The following TACR1 variants were observed in gnomAD, a reference collection of about 807,000 sequenced individuals.
The protein encoded by TACR1 is substance-P receptor.
Under a neutral mutation model 35.8 loss-of-function variants are expected in TACR1, and 25 were observed. The observed-to-expected ratio is 0.70, with a 90% confidence interval of 0.51 to 0.98. The LOEUF (loss-of-function observed/expected upper bound fraction) is 0.98, where lower values mean the gene tolerates loss of function less well. Ranked by LOEUF, TACR1 falls within the 50% of genes least tolerant of loss-of-function variation. The pLI, the probability that TACR1 is intolerant of heterozygous loss-of-function variation, is 0.00. For missense variants in TACR1, 478 were observed against 522.9 expected, an observed-to-expected ratio of 0.91 and a Z score of 0.84; for synonymous variants, 195 against 206.7, an observed-to-expected ratio of 0.94 and a Z score of 0.48.
intron 2 of TACR1, among the ~76,000 whole-genome samples, chr2:75,117,998 A>AT (rs1347497180): frequency 1.3e-5 from 2 of 152,184 alleles, no homozygotes; most frequent in Non-Finnish European, 2.9e-5. Context: ...CTTGACCATT[A>AT]TGACTCAGCT....
At chr2:75,108,275 T>G (rs935403722) in intron 2 of TACR1, among the ~76,000 whole-genome samples, 10 of 152,226 alleles carry the variant, frequency 6.6e-5, no homozygotes, top group African/African-American at 2.4e-4. Flanking sequence ...CTATGTAATA[T>G]AACTAGTCAG....
intron 2 of TACR1, among the ~76,000 whole-genome samples, chr2:75,067,753 G>T (rs1026310795): frequency 6.6e-6 from 1 of 152,146 alleles, no homozygotes; most frequent in Non-Finnish European, 1.5e-5. Context: ...GAGGCCCTAA[G>T]GTCCAAATGT....
chr2:75,183,991 AAC>A (rs529908216), intron 1 of TACR1, among the ~76,000 whole-genome samples: 285 of 152,328 alleles, frequency 1.9e-3, no homozygotes, highest in African/African-American at 6.6e-3. Context: ...AATTTTAGAA[AAC>A]AGTTATTTCA....
intron 1 of TACR1, among the ~76,000 whole-genome samples, chr2:75,152,792 A>C (rs958458075): frequency 6.6e-6 from 1 of 152,234 alleles, no homozygotes; most frequent in African/African-American, 2.4e-5. Context: ...TTCACTGCTA[A>C]GGGGTTGTTC....
rs560635475 is a variant in TACR1 at position 75,172,054 on chromosome 2, G to A, written c.389+26492C>T. On this transcript the variant is annotated intron_variant, in intron 1 of 4. Coordinates refer to ENST00000305249, the MANE Select transcript of TACR1 (RefSeq NM_001058.4). The stretch of plus-strand genomic sequence containing the variant: ...CATAGCAGTATGAAAATGGACTAAT[G>A]CATGCAGATATTTTGATTGTTTTCT... 2.6e-5 allele frequency among the ~76,000 whole-genome samples: 4 copies of A among 152,322 alleles called. No homozygotes were observed. In the South Asian group the frequency reaches 6.2e-4, roughly 24 times the overall value.
chr2:75,112,141 G>T lies in TACR1; in HGVS notation c.584+8433C>A, dbSNP rs902769410. Among the ~76,000 whole-genome samples, 11 of 151,888 alleles carry T rather than the reference G, an allele frequency of 7.2e-5. No individual in the cohort carries two copies. The East Asian group carries it at 1.9e-3, about 27-fold the overall frequency. On this transcript the variant is annotated intron_variant, in intron 2 of 4. Transcript: ENST00000305249. Reference sequence around the variant, plus strand: ...TTACAAATTTGACATGCTATCTTTAGCACATACTAAACACAAAATTTTATA... The same window carrying T: ...TTACAAATTTGACATGCTATCTTTATCACATACTAAACACAAAATTTTATA...
Position 75,161,273 on chromosome 2 carries a change from A to C in TACR1, c.389+37273T>G, listed in dbSNP as rs1420689100. 4.3e-4 allele frequency among the ~76,000 whole-genome samples: 66 copies of C among 152,146 alleles called. 1 individual carries two copies. The highest frequency in any genetic ancestry group is 4.3e-3 in the Admixed American group (66 of 15,276). On this transcript the variant is annotated intron_variant, in intron 1 of 4. Coordinates refer to ENST00000305249, the MANE Select transcript of TACR1 (RefSeq NM_001058.4). ...ATTATGGCAAATCTTGCAAACATTT[A>C]AATTGAAAATTAAAGCTTAATAATA...
intron 1 of TACR1, among the ~76,000 whole-genome samples, chr2:75,183,193 G>A (rs985777371): frequency 1.3e-5 from 2 of 152,114 alleles, no homozygotes; most frequent in Non-Finnish European, 2.9e-5. Context: ...TAAAAATAAC[G>A]TTAGAAGCCA....
chr2:75,089,842 C>CA (rs1315418387), intron 2 of TACR1, among the ~76,000 whole-genome samples: 2 of 152,252 alleles, frequency 1.3e-5, no homozygotes, highest in African/African-American at 4.8e-5. Flanking sequence ...CATGTCCTCT[C>CA]AACCCAGCCA....
At chr2:75,062,563 A>G (rs1672690750) in intron 2 of TACR1, among the ~76,000 whole-genome samples, 1 of 152,186 alleles carries the variant, frequency 6.6e-6, no homozygotes. Flanking sequence ...TATTTCTTCT[A>G]TTCGGGACAT....
chr2:75,125,436 C>T (rs757952245), intron 1 of TACR1, among the ~76,000 whole-genome samples: 37 of 152,160 alleles, frequency 2.4e-4, no homozygotes, highest in Admixed American at 1.8e-3. Flanking sequence ...TCACTGTCCT[C>T]GGCCTCCCAA....
chr2:75,157,343 G>A (rs1437506649), intron 1 of TACR1, among the ~76,000 whole-genome samples: 1 of 152,130 alleles, frequency 6.6e-6, no homozygotes, highest in Non-Finnish European at 1.5e-5. Flanking sequence ...CTTACCCAGT[G>A]ACTTTGGGTA....
At chr2:75,171,353 C>T (rs1675278435) in intron 1 of TACR1, among the ~76,000 whole-genome samples, 1 of 152,210 alleles carries the variant, frequency 6.6e-6, no homozygotes, top group Non-Finnish European at 1.5e-5. Flanking sequence ...GCCTAGATTT[C>T]AGAGGATGTA....
chr2:75,119,697 C>T (rs1673927830), intron 2 of TACR1, among the ~76,000 whole-genome samples: 1 of 152,160 alleles, frequency 6.6e-6, no homozygotes, highest in African/African-American at 2.4e-5. Flanking sequence ...CTGTCAGGGA[C>T]CTGTAACTCA....
chr2:75,115,627 C>A (rs1244037842), intron 2 of TACR1, among the ~76,000 whole-genome samples: 1 of 152,068 alleles, frequency 6.6e-6, no homozygotes, highest in African/African-American at 2.4e-5. Flanking sequence ...AGAGAAGAGG[C>A]CGGGCACGGT....
chr2:75,178,470 C>T (rs1192773105), intron 1 of TACR1, among the ~76,000 whole-genome samples: 1 of 152,176 alleles, frequency 6.6e-6, no homozygotes, highest in Non-Finnish European at 1.5e-5. Context: ...CAGGCGTGAG[C>T]CACTGCACCT....
At chr2:75,059,717 A>AGGTCACC (rs1672634741) in intron 2 of TACR1, among the ~76,000 whole-genome samples, 1 of 152,216 alleles carries the variant, frequency 6.6e-6, no homozygotes, top group Non-Finnish European at 1.5e-5. Context: ...GGTCCTGCAA[A>AGGTCACC]TGCAAGGTGA....
At chr2:75,167,045 G>A (rs1431555497) in intron 1 of TACR1, among the ~76,000 whole-genome samples, 2 of 151,738 alleles carry the variant, frequency 1.3e-5, no homozygotes, top group Admixed American at 1.3e-4. Flanking sequence ...ACTACATTAT[G>A]ATAATAAAAA....
chr2:75,192,829 G>A (rs962596498), intron 1 of TACR1, among the ~76,000 whole-genome samples: 1 of 152,054 alleles, frequency 6.6e-6, no homozygotes. Context: ...ATGGACTGGA[G>A]GGAACATAAA....
Sources: allele counts gnomAD v4.1 joint callset (sites outside exome capture counted in the v4.1 genomes callset), GRCh38; gene constraint gnomAD v4.1.1; transcripts MANE v1.5; gene names NCBI Gene and HGNC (gene_info 2026-07-23, HGNC 2026-07-21).